Variants in CSMD1 observed in about 807,000 individuals in gnomAD.
CSMD1 encodes CUB and Sushi multiple domains 1, also known as CUB and sushi domain-containing protein 1.
A neutral mutation model predicts 417.5 loss-of-function variants in CSMD1; 213 were observed. The observed-to-expected ratio is 0.51, with a 90% CI of 0.46 to 0.57. The LOEUF is 0.57. CSMD1 is among the 20% of genes least tolerant of loss of function. The pLI is 0.00. For missense variants in CSMD1, 6,923 were observed against 4,529.7 expected (o/e 1.53, Z -15.17); for synonymous variants, 2,862 against 1,736.8 (o/e 1.65, Z -16.11).
At chr8:4,106,995 A>G (rs1196015985) in intron 3 of CSMD1, among the ~76,000 whole-genome samples, 1 of 152,204 alleles carries the variant, frequency 6.6e-6, no homozygotes, top group Non-Finnish European at 1.5e-5. Context: ...TGGGCCTTAG[A>G]CAACACTAAC....
At chr8:4,387,420 C>G (rs1234849779) in intron 3 of CSMD1, among the ~76,000 whole-genome samples, 1 of 151,566 alleles carries the variant, frequency 6.6e-6, no homozygotes, top group Non-Finnish European at 1.5e-5. Flanking sequence ...TAAGTAATGA[C>G]TCAAAGCATT....
At chr8:4,105,700 G>A (rs1033793174) in intron 3 of CSMD1, among the ~76,000 whole-genome samples, 39 of 152,172 alleles carry the variant, frequency 2.6e-4, no homozygotes, top group African/African-American at 6.5e-4. Context: ...AGCCTAGGCT[G>A]GGGTACCCCA....
chr8:3,691,423 T>C (rs944497877), intron 7 of CSMD1, among the ~76,000 whole-genome samples: 1 of 151,780 alleles, frequency 6.6e-6, no homozygotes, highest in Non-Finnish European at 1.5e-5. Context: ...CAAAAAACTG[T>C]GTCAATGAAG....
chr8:3,768,670 T>C (rs1389828684), intron 5 of CSMD1, among the ~76,000 whole-genome samples: 1 of 152,224 alleles, frequency 6.6e-6, no homozygotes, highest in Admixed American at 6.5e-5. Context: ...CTTTTAAGTG[T>C]TGTGTTATTG....
intron 2 of CSMD1, among the ~76,000 whole-genome samples, chr8:4,581,645 G>A (rs1359042408): frequency 1.3e-5 from 2 of 152,204 alleles, no homozygotes; most frequent in African/African-American, 4.8e-5. Flanking sequence ...GAAAGTTAGT[G>A]GAAAGGGGAG....
chr8:2,972,499 T>G (rs1050912453), intron 57 of CSMD1, among the ~76,000 whole-genome samples: 19 of 152,176 alleles, frequency 1.2e-4, no homozygotes, highest in Non-Finnish European at 2.4e-4. Flanking sequence ...CACCTCTCAG[T>G]TCACCTTTGC....
At chr8:4,020,068 G>C (rs1017218700) in intron 4 of CSMD1, among the ~76,000 whole-genome samples, 3 of 152,298 alleles carry the variant, frequency 2.0e-5, no homozygotes, top group East Asian at 3.9e-4. Context: ...AGAGGAGATA[G>C]AGACAGTAAT....
chr8:3,018,346 G>C (rs1017819943), intron 52 of CSMD1, 131 bp downstream of exon 52: 1 of 748,376 alleles, frequency 1.3e-6, no homozygotes, highest in Non-Finnish European at 2.1e-6. Context: ...AAATCACACT[G>C]GGAGGTGCAG....
At chr8:3,844,308 T>G (rs372397890) in intron 5 of CSMD1, among the ~76,000 whole-genome samples, 3 of 152,076 alleles carry the variant, frequency 2.0e-5, no homozygotes, top group African/African-American at 4.8e-5. Context: ...AATAACAGCA[T>G]TGGTGGATCA....
At chr8:4,015,777 G>A (rs1249377095) in intron 4 of CSMD1, among the ~76,000 whole-genome samples, 1 of 150,634 alleles carries the variant, frequency 6.6e-6, no homozygotes, top group Non-Finnish European at 1.5e-5. Context: ...TATCTTAAAT[G>A]TATGTGTTCA....
chr8:3,295,594 C>G (rs573152117), intron 25 of CSMD1, among the ~76,000 whole-genome samples: 6 of 152,306 alleles, frequency 3.9e-5, no homozygotes, highest in African/African-American at 1.4e-4. Flanking sequence ...GTATATTCCA[C>G]TGTACTGATG....
intron 1 of CSMD1, among the ~76,000 whole-genome samples, chr8:4,848,117 T>C (rs1801251116): frequency 6.6e-6 from 1 of 152,216 alleles, no homozygotes; most frequent in Non-Finnish European, 1.5e-5. Flanking sequence ...TTGGATATTG[T>C]CAAGGTTCAT....
chr8:3,627,414 G>C (rs545638703), intron 7 of CSMD1, among the ~76,000 whole-genome samples: 1 of 152,066 alleles, frequency 6.6e-6, no homozygotes, highest in African/African-American at 2.4e-5. Flanking sequence ...ATATCACCTC[G>C]AGTCCTGAAA....
At chr8:4,196,338 C>G (rs1799339346) in intron 3 of CSMD1, among the ~76,000 whole-genome samples, 1 of 152,216 alleles carries the variant, frequency 6.6e-6, no homozygotes, top group South Asian at 2.1e-4. Flanking sequence ...AATAGAGCGG[C>G]TTAAGAGAAT....
chr8:3,216,929 C>T (rs1006520955), intron 29 of CSMD1, among the ~76,000 whole-genome samples: 3 of 152,212 alleles, frequency 2.0e-5, no homozygotes, highest in African/African-American at 7.2e-5. Flanking sequence ...AATACAATGA[C>T]ATCACTGCAC....
At chr8:4,289,031 G>C (rs957889480) in intron 3 of CSMD1, among the ~76,000 whole-genome samples, 13 of 152,138 alleles carry the variant, frequency 8.5e-5, no homozygotes, top group African/African-American at 3.1e-4. Flanking sequence ...TTCAAGCAAT[G>C]ACTGTCATAA....
At chr8:4,708,798 T>A (rs926627543) in intron 1 of CSMD1, among the ~76,000 whole-genome samples, 3 of 152,148 alleles carry the variant, frequency 2.0e-5, no homozygotes, top group Non-Finnish European at 4.4e-5. Context: ...TTGTAATAGA[T>A]GTTTAAATTA....
At chr8:4,337,345 T>C (rs1278233351) in intron 3 of CSMD1, among the ~76,000 whole-genome samples, 2 of 152,078 alleles carry the variant, frequency 1.3e-5, no homozygotes, top group East Asian at 1.9e-4. Context: ...GCAACCGACA[T>C]TGTTGCAAAC....
chr8:4,969,181 T>C (rs534831501), intron 1 of CSMD1, among the ~76,000 whole-genome samples: 89 of 152,274 alleles, frequency 5.8e-4, no homozygotes, highest in Non-Finnish European at 9.7e-4. Flanking sequence ...CGTGTGTGCG[T>C]GTGTGTTGGT....
Sources: allele counts gnomAD v4.1 joint callset (sites outside exome capture counted in the v4.1 genomes callset), GRCh38; gene constraint gnomAD v4.1.1; transcripts MANE v1.5; gene names NCBI Gene and HGNC (gene_info 2026-07-23, HGNC 2026-07-21).